RBFOX1: variants seen among roughly 807,000 people sequenced by gnomAD.
The protein encoded by RBFOX1 is RNA binding protein fox-1 homolog 1.
A neutral mutation model predicts 57.7 loss-of-function variants in RBFOX1; 8 were observed. That is an observed-to-expected ratio of 0.14 (90% CI 0.08 to 0.25). The LOEUF (loss-of-function observed/expected upper bound fraction) is 0.25, where lower values mean the gene tolerates loss of function less well. RBFOX1 is among the 10% of genes least tolerant of loss of function. The pLI is 1.00. For synonymous variants in RBFOX1, 326 were observed against 222.4 expected (o/e 1.47, Z -4.15); for missense variants, 611 against 548.5 (o/e 1.11, Z -1.14).
intron 2 of RBFOX1, among the ~76,000 whole-genome samples, chr16:6,464,048 C>T (rs56104585): frequency 0.13 from 20,101 of 152,124 alleles, 1,683 homozygotes; most frequent in Middle Eastern, 0.2. Flanking sequence ...TAATGTGAAT[C>T]AAATTTTCAT....
At chr16:6,922,346 A>G (rs771146483) in intron 3 of RBFOX1, among the ~76,000 whole-genome samples, 3 of 152,174 alleles carry the variant, frequency 2.0e-5, no homozygotes, top group Non-Finnish European at 4.4e-5. Flanking sequence ...CAAGTTTCGC[A>G]TGCTGCAGCC....
At chr16:5,536,228 C>CTTTTTTTT (rs57061495) in intron 2 of RBFOX1, among the ~76,000 whole-genome samples, 1 of 103,538 alleles carries the variant, frequency 9.7e-6, no homozygotes, top group African/African-American at 4.0e-5. Context: ...AATCTCCTGT[C>CTTTTTTTT]TTTTTTTTTT....
intron 4 of RBFOX1, among the ~76,000 whole-genome samples, chr16:7,235,030 C>G (rs549777602): frequency 2.0e-5 from 3 of 152,128 alleles, no homozygotes; most frequent in African/African-American, 4.8e-5. Context: ...CAAGGCAAGT[C>G]GAAGTGCTAT....
chr16:6,020,264 A>G (rs1215167700), intron 1 of RBFOX1, among the ~76,000 whole-genome samples: 1 of 151,978 alleles, frequency 6.6e-6, no homozygotes, highest in African/African-American at 2.4e-5. Context: ...CGAAGCATCC[A>G]GGCTACCTCG....
chr16:6,856,665 G>C (rs1052092610), intron 3 of RBFOX1, among the ~76,000 whole-genome samples: 2 of 152,054 alleles, frequency 1.3e-5, no homozygotes, highest in African/African-American at 4.8e-5. Flanking sequence ...ATATATTCCT[G>C]TATTCTTCAA....
chr16:7,540,030 T>C (rs576297251), intron 5 of RBFOX1, among the ~76,000 whole-genome samples: 2 of 152,320 alleles, frequency 1.3e-5, no homozygotes, highest in African/African-American at 4.8e-5. Context: ...GCCCTATAAA[T>C]TGTAGCTGCC....
At chr16:7,443,445 C>T (rs2098784919) in intron 4 of RBFOX1, among the ~76,000 whole-genome samples, 1 of 150,518 alleles carries the variant, frequency 6.6e-6, no homozygotes, top group South Asian at 2.1e-4. Context: ...CTTTCTTTGC[C>T]CCCTCCCCCT....
At chr16:5,693,164 C>G (rs1222280442) in intron 3 of RBFOX1, among the ~76,000 whole-genome samples, 3 of 152,084 alleles carry the variant, frequency 2.0e-5, no homozygotes, top group East Asian at 1.9e-4. Flanking sequence ...CCTTCTGTTG[C>G]TTTCCCTTCC....
chr16:6,713,880 G>A (rs2064220588), intron 3 of RBFOX1, among the ~76,000 whole-genome samples: 1 of 152,166 alleles, frequency 6.6e-6, no homozygotes, highest in South Asian at 2.1e-4. Context: ...GATAGCATGT[G>A]GAGAATTTGG....
At position 5,933,037 on chromosome 16, in the gene RBFOX1, C is replaced by T. The variant is rs557585641; in HGVS notation, c.351+65702C>T. On this transcript the variant is annotated intron_variant, in intron 4 of 19. Coordinates refer to the RBFOX1 transcript ENST00000641259. ...TAATAAAATGTAGAAAGCCCAGAGC[C>T]GAGGAAGCTGCAGCAGCCTTAGGTG... is the stretch of plus-strand genomic sequence containing the variant. 8.2e-4 allele frequency among the ~76,000 whole-genome samples: 125 copies of T among 152,304 alleles called. 3 individuals carry two copies. Among genetic ancestry groups the T allele is most frequent in the Admixed American group, 6.7e-3 (103 of 15,298 alleles).
At position 7,711,787 on chromosome 16, in the gene RBFOX1, A is replaced by G. The variant is rs1390550406; in HGVS notation, c.*1042A>G. On this transcript the variant is annotated 3_prime_UTR_variant, in exon 16 of 16. Coordinates refer to ENST00000550418, the MANE Select transcript of RBFOX1 (RefSeq NM_018723.4). ...CGTATAATTTTTATGGAATTACATG[A>G]TAATCATATTCGGATTTATAGAAGC... The G allele has an allele frequency of 1.3e-5, 2 of 152,610 alleles. No homozygotes were observed. The highest frequency in any genetic ancestry group is 2.9e-5 in the Non-Finnish European group (2 of 68,038). 9.5% of individuals were successfully genotyped at this position (152,610 alleles called of 1,614,324 possible).
At chr16:5,569,437 C>CTTTTT (rs1567240622) in intron 2 of RBFOX1, among the ~76,000 whole-genome samples, 3 of 58,654 alleles carry the variant, frequency 5.1e-5, no homozygotes, top group Admixed American at 4.3e-4. Context: ...TAAGAAGTAA[C>CTTTTT]CTTTTTTTTT....
In RBFOX1 at chr16:6,393,652, C is replaced by T. The variant is rs184845603; in HGVS notation, c.-64+76595C>T. Among the ~76,000 whole-genome samples the T allele has an allele frequency of 4.8e-3, 730 of 152,298 alleles. 16 individuals are homozygous for T. The highest frequency in any genetic ancestry group is 0.045 in the Admixed American group (692 of 15,284). Reference sequence around the variant, plus strand: ...CTGACCTCCTCCCACTCATTTCCTTCCATCTTCTCTTACTTTCTTAATACC... The same window carrying T: ...CTGACCTCCTCCCACTCATTTCCTTTCATCTTCTCTTACTTTCTTAATACC... On this transcript the variant is annotated intron_variant, in intron 2 of 15. Coordinates refer to ENST00000550418, the MANE Select transcript of RBFOX1 (RefSeq NM_018723.4).
intron 2 of RBFOX1, among the ~76,000 whole-genome samples, chr16:6,585,808 GAC>G (rs2097603976): frequency 1.3e-5 from 2 of 152,026 alleles, no homozygotes. Flanking sequence ...TCTCCTCTTT[GAC>G]AATTTGTGTA....
chr16:6,845,522 C>G (rs926080198), intron 3 of RBFOX1, among the ~76,000 whole-genome samples: 17 of 152,240 alleles, frequency 1.1e-4, no homozygotes, highest in African/African-American at 3.9e-4. Flanking sequence ...GTTCTGTGTT[C>G]TGTTCCGTTG....
intron 4 of RBFOX1, among the ~76,000 whole-genome samples, chr16:7,195,005 T>G (rs1303926625): frequency 6.6e-6 from 1 of 151,828 alleles, no homozygotes; most frequent in Non-Finnish European, 1.5e-5. Flanking sequence ...TTAATAAAAT[T>G]GATTGGTTCT....
At chr16:6,680,809 A>G (rs2058537946) in intron 3 of RBFOX1, among the ~76,000 whole-genome samples, 1 of 152,216 alleles carries the variant, frequency 6.6e-6, no homozygotes, top group Admixed American at 6.5e-5. Context: ...TTTTAAATAA[A>G]TGTTGCAATA....
chr16:5,426,340 GTTTTTAT>G (rs148474732), intron 1 of RBFOX1, among the ~76,000 whole-genome samples: 2,308 of 152,226 alleles, frequency 0.015, 50 homozygotes, highest in African/African-American at 0.052. Context: ...GTTGCTGAAT[GTTTTTAT>G]TTTTTATTTT....
intron 3 of RBFOX1, among the ~76,000 whole-genome samples, chr16:6,941,824 G>C (rs140618102): frequency 6.6e-6 from 1 of 152,046 alleles, no homozygotes; most frequent in Non-Finnish European, 1.5e-5. Flanking sequence ...AGAATGAGCT[G>C]CTTTTTTTTC....
Sources: allele counts gnomAD v4.1 joint callset (sites outside exome capture counted in the v4.1 genomes callset), GRCh38; gene constraint gnomAD v4.1.1; transcripts MANE v1.5; gene names NCBI Gene and HGNC (gene_info 2026-07-23, HGNC 2026-07-21).